RBFOX3: variants seen among roughly 807,000 people sequenced by gnomAD.
RBFOX3 encodes RNA binding protein fox-1 homolog 3.
A neutral mutation model predicts 48.7 loss-of-function variants in RBFOX3; 17 were observed. The ratio of observed to expected loss-of-function variants is 0.35; its 90% CI spans 0.24 to 0.52. RBFOX3 has a LOEUF of 0.52. Among genes scored for constraint, RBFOX3 ranks in the 20% least tolerant of loss-of-function variants. The probability of loss-of-function intolerance (pLI) is 0.94; values close to 1 mark genes in which losing one functional copy is unlikely to be tolerated. For synonymous variants in RBFOX3, 212 were observed against 209.5 expected, an observed-to-expected ratio of 1.01 and a Z score of -0.10; for missense variants, 382 against 497.5, an observed-to-expected ratio of 0.77 and a Z score of 2.21.
At position 79,587,238 on chromosome 17, in the gene RBFOX3, C is replaced by T. The variant is rs1000017765; in HGVS notation, c.-320+23588G>A. 6.6e-5 allele frequency among the ~76,000 whole-genome samples: 10 copies of T among 152,330 alleles called. No homozygotes were observed. In the South Asian group the frequency reaches 1.4e-3, roughly 22 times the overall value. On this transcript the variant is annotated intron_variant, in intron 1 of 14. Transcript: ENST00000693108. ...GAGGAGAAGGGAGCATGGCTGGTCA[C>T]GAGAGCCCTTTTCCACACTCGGTCA...
intron 1 of RBFOX3, among the ~76,000 whole-genome samples, chr17:79,561,779 G>A (rs1156663948): frequency 6.6e-6 from 1 of 152,198 alleles, no homozygotes; most frequent in East Asian, 1.9e-4. Context: ...CCCAAGAGAG[G>A]GGCACATGAG....
intron 2 of RBFOX3, among the ~76,000 whole-genome samples, chr17:79,335,612 G>GC (rs1359830965): frequency 3.3e-5 from 5 of 152,132 alleles, no homozygotes; most frequent in Non-Finnish European, 1.5e-5. Flanking sequence ...CCTTGGCGCA[G>GC]AACCCCCAGC....
intron 6 of RBFOX3, 150 bp from the exon 7 acceptor site, chr17:79,104,276 C>T: frequency 2.8e-6 from 2 of 721,112 alleles, no homozygotes; most frequent in Non-Finnish European, 4.8e-6. Flanking sequence ...GGACCCCCTC[C>T]CACCCCTGGC....
rs532715275 is a variant in RBFOX3 at position 79,294,289 on chromosome 17, T to C, written c.-74+13435A>G. Reference sequence around the variant, plus strand: ...ACCCAGTTCTAGCCTTGAGTGTCTGTGCCGGACTCCGGTAGCAGACACCTT... The same window carrying C: ...ACCCAGTTCTAGCCTTGAGTGTCTGCGCCGGACTCCGGTAGCAGACACCTT... On this transcript the variant is annotated intron_variant, in intron 3 of 14. Transcript: ENST00000693108. Among the ~76,000 whole-genome samples, 17 of 152,310 alleles carry C rather than the reference T, an allele frequency of 1.1e-4. No individual in the cohort carries two copies. In the South Asian group the frequency reaches 1.2e-3, roughly 11 times the overall value.
chr17:79,155,355 A>C (rs377095077), intron 4 of RBFOX3, among the ~76,000 whole-genome samples: 75 of 152,150 alleles, frequency 4.9e-4, no homozygotes, highest in African/African-American at 1.7e-3. Context: ...CCAACTCAAC[A>C]GTGGAGCTGG....
Position 79,444,488 on chromosome 17 carries a change from G to A in RBFOX3, c.-175+37966C>T, listed in dbSNP as rs528516716. On this transcript the variant is annotated intron_variant, in intron 2 of 14. Coordinates refer to ENST00000693108, the MANE Select transcript of RBFOX3 (RefSeq NM_001350451.2). ...GCCAGCCCAAAGCCCACATAGGCCG[G>A]TGCCTCTGAGCCACAGCTCCAAAGC... 8.5e-5 allele frequency among the ~76,000 whole-genome samples: 13 copies of A among 152,148 alleles called. No homozygotes were observed. In the South Asian group the frequency reaches 2.7e-3, roughly 32 times the overall value.
the RBFOX3 span, among the ~76,000 whole-genome samples, chr17:79,664,592 C>T: frequency 1.3e-5 from 2 of 152,192 alleles, no homozygotes; most frequent in Non-Finnish European, 2.9e-5. Flanking sequence ...AGGTGATCCA[C>T]CCGCCTCGGC....
chr17:79,403,689 C>A (rs1014564185), intron 2 of RBFOX3, among the ~76,000 whole-genome samples: 2 of 152,206 alleles, frequency 1.3e-5, no homozygotes, highest in African/African-American at 4.8e-5. Flanking sequence ...ACACTGCCCC[C>A]TCACCCGCCC....
chr17:79,628,527 C>A, the RBFOX3 span, among the ~76,000 whole-genome samples: 2 of 152,278 alleles, frequency 1.3e-5, no homozygotes, highest in African/African-American at 4.8e-5. Flanking sequence ...GCGAGGGGAG[C>A]CCTGAACTCC....
intron 5 of RBFOX3, 122 bp from the exon 6 acceptor site, chr17:79,106,910 A>C: frequency 1.5e-6 from 2 of 1,290,334 alleles, no homozygotes; most frequent in Non-Finnish European, 2.0e-6. Flanking sequence ...CCTCTCCCCC[A>C]TCCCTGGGCT....
At chr17:79,511,857 CA>C (rs1555781378) in intron 1 of RBFOX3, among the ~76,000 whole-genome samples, 1 of 150,234 alleles carries the variant, frequency 6.7e-6, no homozygotes, top group Non-Finnish European at 1.5e-5. Context: ...GCCCCATGGC[CA>C]GGGGACACAC....
intron 3 of RBFOX3, among the ~76,000 whole-genome samples, chr17:79,276,566 TC>T (rs2068888270): frequency 6.6e-6 from 1 of 151,880 alleles, no homozygotes; most frequent in African/African-American, 2.4e-5. Context: ...GCGCCTGTAA[TC>T]CCAGCTGCTC....
At chr17:79,291,547 C>A (rs2073262042) in intron 3 of RBFOX3, among the ~76,000 whole-genome samples, 1 of 152,192 alleles carries the variant, frequency 6.6e-6, no homozygotes, top group South Asian at 2.1e-4. Context: ...GCTGAGGGCA[C>A]ACTCAGAACC....
chr17:79,401,565 T>A (rs560673054), intron 2 of RBFOX3, among the ~76,000 whole-genome samples: 5 of 152,246 alleles, frequency 3.3e-5, no homozygotes, highest in Middle Eastern at 3.4e-3. Context: ...GGGGAGGGAA[T>A]GGGAGAGGGG....
chr17:79,138,027 C>T (rs1217450465), intron 4 of RBFOX3, among the ~76,000 whole-genome samples: 4 of 152,208 alleles, frequency 2.6e-5, no homozygotes, highest in East Asian at 1.9e-4. Context: ...AGCCCGCCCC[C>T]GCCAAGCACT....
intron 2 of RBFOX3, among the ~76,000 whole-genome samples, chr17:79,402,761 G>A (rs1216765220): frequency 6.6e-6 from 1 of 152,186 alleles, no homozygotes. Flanking sequence ...GCACGGGTTT[G>A]GAGTTGGACA....
At chr17:79,441,813 G>A (rs1157635662) in intron 2 of RBFOX3, among the ~76,000 whole-genome samples, 3 of 152,176 alleles carry the variant, frequency 2.0e-5, no homozygotes, top group Non-Finnish European at 2.9e-5. Flanking sequence ...ACAGGCCTCG[G>A]CCAGCCAGGG....
intron 2 of RBFOX3, among the ~76,000 whole-genome samples, chr17:79,374,452 G>A (rs559176023): frequency 5.9e-5 from 9 of 152,324 alleles, no homozygotes; most frequent in Admixed American, 5.9e-4. Context: ...GCTAATAGAT[G>A]AGAATTAAGA....
intron 4 of RBFOX3, among the ~76,000 whole-genome samples, chr17:79,170,408 G>A (rs1191313492): frequency 6.6e-6 from 1 of 152,056 alleles, no homozygotes; most frequent in African/African-American, 2.4e-5. Flanking sequence ...GAGCCTGAGG[G>A]AGGGCTCCAG....
Sources: gnomAD v4.1 joint callset for allele counts (sites outside exome capture counted in the v4.1 genomes callset) on GRCh38, gnomAD v4.1.1 for gene constraint, MANE v1.5 for transcripts, NCBI Gene and HGNC (gene_info 2026-07-23, HGNC 2026-07-21) for gene names.